Variants in CDK17 observed in about 807,000 individuals in gnomAD.
CDK17 encodes cyclin dependent kinase 17.
CDK17 carries 24 observed loss-of-function variants against 77.6 expected under a neutral mutation model. That is an observed-to-expected ratio of 0.31 (90% CI 0.22 to 0.44). The LOEUF is 0.44. Ranked by LOEUF, CDK17 falls within the 20% of genes least tolerant of loss-of-function variation. The probability of loss-of-function intolerance (pLI) is 1.00; values close to 1 mark genes in which losing one functional copy is unlikely to be tolerated. For missense variants in CDK17, 429 were observed against 622.5 expected, an observed-to-expected ratio of 0.69 and a Z score of 3.31; for synonymous variants, 203 against 210.4, an observed-to-expected ratio of 0.96 and a Z score of 0.30.
intron 1 of CDK17, among the ~76,000 whole-genome samples, chr12:96,335,996 T>G (rs1278042433): frequency 2.2e-4 from 33 of 152,226 alleles, no homozygotes; most frequent in Admixed American, 2.2e-3. Context: ...TGTAAATGTT[T>G]TGCTTATTTT....
intron 1 of CDK17, among the ~76,000 whole-genome samples, chr12:96,369,569 A>G (rs1364242182): frequency 1.3e-5 from 2 of 152,178 alleles, no homozygotes; most frequent in African/African-American, 4.8e-5. Context: ...CTTGAGGTCT[A>G]AAGTTTGAGA....
chr12:96,306,660 T>C (rs1285552763), intron 5 of CDK17, among the ~76,000 whole-genome samples: 5 of 152,152 alleles, frequency 3.3e-5, no homozygotes, highest in Admixed American at 6.6e-5. Context: ...CAGACTTCTA[T>C]GCTGAAGAAC....
chr12:96,311,572 T>A (rs1952645464), intron 4 of CDK17, among the ~76,000 whole-genome samples: 1 of 76,082 alleles, frequency 1.3e-5, no homozygotes. Flanking sequence ...AGAATTGTAT[T>A]TATTACTGCC....
chr12:96,370,723 G>A (rs1003772386), intron 1 of CDK17, among the ~76,000 whole-genome samples: 6 of 152,074 alleles, frequency 3.9e-5, no homozygotes, highest in Non-Finnish European at 2.9e-5. Flanking sequence ...GTGTGAATCC[G>A]GCTGTTTTCT....
At chr12:96,355,059 A>C (rs1489168768) in intron 1 of CDK17, among the ~76,000 whole-genome samples, 1 of 152,044 alleles carries the variant, frequency 6.6e-6, no homozygotes, top group Non-Finnish European at 1.5e-5. Context: ...GCACTTACTA[A>C]ACTGTTAAAC....
At chr12:96,383,416 A>AAC (rs1237615906) in intron 1 of CDK17, among the ~76,000 whole-genome samples, 1 of 151,794 alleles carries the variant, frequency 6.6e-6, no homozygotes, top group Non-Finnish European at 1.5e-5. Flanking sequence ...AAAAAAAAAA[A>AAC]AACTCTTCTA....
At chr12:96,288,155 T>C (rs2137069499) in intron 11 of CDK17, among the ~76,000 whole-genome samples, 1 of 152,334 alleles carries the variant, frequency 6.6e-6, no homozygotes, top group South Asian at 2.1e-4. Context: ...CTCACAACTG[T>C]ACACTTAAAT....
chr12:96,324,248 C>T (rs778425076), intron 2 of CDK17, 136 bp from the exon 3 acceptor site: 1 of 457,150 alleles, frequency 2.2e-6, no homozygotes, highest in Non-Finnish European at 3.7e-6. Context: ...CTTAACTATA[C>T]ACAGTATTAA....
chr12:96,298,087 G>A (rs1024314494), intron 7 of CDK17, among the ~76,000 whole-genome samples: 5 of 152,022 alleles, frequency 3.3e-5, no homozygotes, highest in South Asian at 2.1e-4. Flanking sequence ...TCAGGAGATC[G>A]CCTGGCTAAC....
At position 96,283,631 on chromosome 12, in the gene CDK17, C is replaced by A. The variant is rs1399204422; in HGVS notation, c.1337G>T (p.Gly446Val). 2 of 1,599,536 alleles carry A rather than the reference C, an allele frequency of 1.3e-6. No individual in the cohort carries two copies. The highest frequency in any genetic ancestry group is 1.7e-6 in the Non-Finnish European group (2 of 1,168,282). The change falls in exon 14 of 17, where the codon GGA (glycine) becomes GTA (valine). Residue 446 changes from glycine (G) to valine (V), a missense_variant. Transcript: ENST00000261211. Reference sequence around the variant, plus strand: ...AAGAAATTTTGTTATCAACTCAATTCCTTCAGAGTCTAACCTAGAAACAAC... The same window carrying A: ...AAGAAATTTTGTTATCAACTCAATTACTTCAGAGTCTAACCTAGAAACAAC... ...INHAPRLDSE[G>V]IELITKFLQY...
chr12:96,352,772 A>G (rs1953330571), intron 1 of CDK17, among the ~76,000 whole-genome samples: 1 of 152,230 alleles, frequency 6.6e-6, no homozygotes, highest in Non-Finnish European at 1.5e-5. Flanking sequence ...GTGACCCATA[A>G]TCAAGAGCAA....
At chr12:96,379,665 A>T (rs940716180) in intron 1 of CDK17, among the ~76,000 whole-genome samples, 4 of 152,250 alleles carry the variant, frequency 2.6e-5, no homozygotes, top group Admixed American at 1.3e-4. Context: ...CCTGGGCTCA[A>T]GCAATCCTTT....
At chr12:96,290,697 A>T (rs889318284) in intron 10 of CDK17, among the ~76,000 whole-genome samples, 12 of 152,230 alleles carry the variant, frequency 7.9e-5, no homozygotes, top group Non-Finnish European at 1.5e-4. Context: ...TCTTGATATT[A>T]AAAGTGGGTT....
At chr12:96,316,727 CAG>C (rs1352596141) in intron 3 of CDK17, among the ~76,000 whole-genome samples, 1 of 125,662 alleles carries the variant, frequency 8.0e-6, no homozygotes, top group Non-Finnish European at 1.7e-5. Context: ...GGTATTCCAA[CAG>C]ACCTGCAGCT....
intron 1 of CDK17, among the ~76,000 whole-genome samples, chr12:96,363,017 T>C (rs1953520242): frequency 6.6e-6 from 1 of 152,148 alleles, no homozygotes. Flanking sequence ...CATGAGCTCT[T>C]TGACCTTAAA....
chr12:96,365,014 T>C (rs546845691), intron 1 of CDK17, among the ~76,000 whole-genome samples: 1 of 152,322 alleles, frequency 6.6e-6, no homozygotes, highest in South Asian at 2.1e-4. Flanking sequence ...CAAATAGGTT[T>C]GCCAATCTAA....
In CDK17 at chr12:96,290,257, T is replaced by C. The variant is rs115820547; in HGVS notation, c.998-970A>G. On this transcript the variant is annotated intron_variant, in intron 10 of 16. Transcript: ENST00000261211. ...ACAACTTTATCTCTTGAGTCACTAG[T>C]GTGAGAGAGTCGCTATTACCTCGAA... Among the ~76,000 whole-genome samples, 366 of 152,336 alleles carry C rather than the reference T, an allele frequency of 2.4e-3. 1 individual carries two copies. Among genetic ancestry groups the C allele is most frequent in the African/African-American group, 8.2e-3 (341 of 41,590 alleles).
At chr12:96,286,345 T>TA (rs1438138928) in intron 12 of CDK17, among the ~76,000 whole-genome samples, 197 bp from the exon 13 acceptor site, 1 of 151,902 alleles carries the variant, frequency 6.6e-6, no homozygotes, top group African/African-American at 2.4e-5. Flanking sequence ...AATGATACTG[T>TA]AAAAAGGATG....
chr12:96,347,018 C>A (rs1185167667), intron 1 of CDK17, among the ~76,000 whole-genome samples: 1 of 151,860 alleles, frequency 6.6e-6, no homozygotes, highest in South Asian at 2.1e-4. Context: ...CAAAAAAGAG[C>A]AAGTGTAGCT....
Sources: gnomAD v4.1 joint callset for allele counts (sites outside exome capture counted in the v4.1 genomes callset) on GRCh38, gnomAD v4.1.1 for gene constraint, MANE v1.5 for transcripts, NCBI Gene and HGNC (gene_info 2026-07-23, HGNC 2026-07-21) for gene names.